DKK2: variants seen among roughly 807,000 people sequenced by gnomAD.
DKK2 encodes dickkopf-related protein 2.
DKK2 carries 11 observed loss-of-function variants against 28.1 expected under a neutral mutation model. That is an observed-to-expected ratio of 0.39 (90% CI 0.25 to 0.65). The LOEUF (loss-of-function observed/expected upper bound fraction) is 0.65. Ranked by LOEUF, DKK2 falls within the 30% of genes least tolerant of loss-of-function variation. The pLI is 0.47. For missense variants in DKK2, 326 were observed against 335.5 expected, an observed-to-expected ratio of 0.97 and a Z score of 0.22; for synonymous variants, 135 against 126.5, an observed-to-expected ratio of 1.07 and a Z score of -0.45.
chr4:106,958,428 A>G (rs1722635115), intron 1 of DKK2, among the ~76,000 whole-genome samples: 1 of 152,140 alleles, frequency 6.6e-6, no homozygotes, highest in Admixed American at 6.6e-5. Context: ...CCCTTTATAT[A>G]TAAATTAAAT....
intron 1 of DKK2, among the ~76,000 whole-genome samples, chr4:106,957,793 A>G (rs903733685): frequency 6.8e-6 from 1 of 146,458 alleles, no homozygotes; most frequent in African/African-American, 2.5e-5. Context: ...TAGGAGATAT[A>G]CCTAATGCTA....
At chr4:106,969,510 T>C (rs1206606357) in intron 1 of DKK2, among the ~76,000 whole-genome samples, 1 of 151,854 alleles carries the variant, frequency 6.6e-6, no homozygotes, top group Admixed American at 6.6e-5. Flanking sequence ...TTGCACCAAG[T>C]GTAGTATTTA....
In DKK2 at chr4:106,938,262, T is replaced by C. The variant is rs1421403655; in HGVS notation, c.223-12313A>G. On this transcript the variant is annotated intron_variant, in intron 1 of 3. Coordinates refer to ENST00000285311, the MANE Select transcript of DKK2 (RefSeq NM_014421.3). The stretch of plus-strand genomic sequence containing the variant: ...AAAAAAGAGAGAAGAATCAAATAGA[T>C]GCAATAAAAAATGATAAAGGGGATA... 4.3e-3 allele frequency among the ~76,000 whole-genome samples: 651 copies of C among 151,206 alleles called. 5 individuals carry two copies. Among genetic ancestry groups the C allele is most frequent in the African/African-American group, 0.015 (626 of 41,150 alleles).
chr4:106,979,852 T>C (rs1243651133), intron 1 of DKK2, among the ~76,000 whole-genome samples: 1 of 152,250 alleles, frequency 6.6e-6, no homozygotes, highest in Non-Finnish European at 1.5e-5. Context: ...GTTTGTTTGT[T>C]TGCTCAGCCA....
At position 106,933,191 on chromosome 4, in the gene DKK2, C is replaced by T. The variant is rs113209308; in HGVS notation, c.223-7242G>A. On this transcript the variant is annotated intron_variant, in intron 1 of 3. Transcript: ENST00000285311. ...TACAATAAGGTAAGATAGGGAAACA[C>T]GGCTATATAGAACTGTTGCAAGATT... 2.4e-3 allele frequency among the ~76,000 whole-genome samples: 370 copies of T among 152,198 alleles called. 2 individuals carry two copies. The highest frequency in any genetic ancestry group is 8.5e-3 in the African/African-American group (354 of 41,520).
At chr4:107,019,209 C>T (rs1723655798) in intron 1 of DKK2, among the ~76,000 whole-genome samples, 1 of 151,472 alleles carries the variant, frequency 6.6e-6, no homozygotes, top group African/African-American at 2.4e-5. Context: ...ATCTCATTCA[C>T]TTTTAGAAAA....
Position 106,922,675 on chromosome 4 carries a change from T to C in DKK2, c.*1279A>G, listed in dbSNP as rs1459318403. On this transcript the variant is annotated 3_prime_UTR_variant, in exon 4 of 4. Coordinates refer to ENST00000285311, the MANE Select transcript of DKK2 (RefSeq NM_014421.3). Reference sequence around the variant, plus strand: ...TTTGTGAAACCTCCTGAAATTGAGATTATTTGAGGATCTCAGCACTATAAA... The same window carrying C: ...TTTGTGAAACCTCCTGAAATTGAGACTATTTGAGGATCTCAGCACTATAAA... 6.6e-6 allele frequency: 1 copy of C among 152,146 alleles called. No homozygotes were observed. The highest frequency in any genetic ancestry group is 1.9e-4 in the East Asian group (1 of 5,190). The allele number at this position is 152,146 out of a possible 1,614,324, so 9.4% of individuals were successfully genotyped here. A position where few individuals can be genotyped will look rare whatever the true frequency, so the allele number is the denominator to read the frequency against.
At chr4:107,033,519 T>C (rs1723909558) in intron 1 of DKK2, among the ~76,000 whole-genome samples, 2 of 152,154 alleles carry the variant, frequency 1.3e-5, no homozygotes, top group Admixed American at 6.5e-5. Context: ...TGTGTAACGC[T>C]AAGGCTAATG....
intron 1 of DKK2, among the ~76,000 whole-genome samples, chr4:107,011,828 T>C (rs1007437879): frequency 2.6e-5 from 4 of 151,378 alleles, no homozygotes; most frequent in Non-Finnish European, 5.9e-5. Context: ...TTTTGCACCA[T>C]CAATACAAAT....
At chr4:106,988,634 C>T (rs1309386512) in intron 1 of DKK2, among the ~76,000 whole-genome samples, 2 of 152,088 alleles carry the variant, frequency 1.3e-5, no homozygotes, top group African/African-American at 4.8e-5. Flanking sequence ...ACCCATTTAG[C>T]AAGAAGGGAG....
chr4:106,998,072 C>T (rs889061601), intron 1 of DKK2, among the ~76,000 whole-genome samples: 8 of 152,184 alleles, frequency 5.3e-5, no homozygotes, highest in African/African-American at 1.9e-4. Context: ...GTATATGAAA[C>T]ACCCTTTTTG....
chr4:106,987,972 C>T (rs1433948255), intron 1 of DKK2, among the ~76,000 whole-genome samples: 1 of 151,438 alleles, frequency 6.6e-6, no homozygotes, highest in Non-Finnish European at 1.5e-5. Context: ...TCAAGCAATT[C>T]TCCTGCCTCA....
intron 1 of DKK2, among the ~76,000 whole-genome samples, chr4:107,023,026 T>G (rs928824837): frequency 7.2e-5 from 11 of 152,088 alleles, no homozygotes; most frequent in Non-Finnish European, 1.5e-5. Context: ...TCCAAGTAGA[T>G]GTAACCCCTG....
intron 1 of DKK2, among the ~76,000 whole-genome samples, chr4:106,963,224 G>C (rs1382841629): frequency 6.6e-6 from 1 of 151,390 alleles, no homozygotes; most frequent in African/African-American, 2.4e-5. Context: ...GTGGTGGCAG[G>C]CACCTGTAAT....
At chr4:106,936,079 A>G (rs568320999) in intron 1 of DKK2, among the ~76,000 whole-genome samples, 8,750 of 151,118 alleles carry the variant, frequency 0.058, 294 homozygotes, top group Non-Finnish European at 0.07. Flanking sequence ...CCAAAGGAAC[A>G]CAGTTCCTCA....
intron 1 of DKK2, among the ~76,000 whole-genome samples, chr4:106,988,321 T>G (rs781374471): frequency 6.6e-5 from 10 of 152,114 alleles, no homozygotes; most frequent in Admixed American, 1.3e-4. Context: ...CTCCTTGTTT[T>G]CAGTTTCAAA....
At chr4:107,028,256 C>T (rs1723822623) in intron 1 of DKK2, among the ~76,000 whole-genome samples, 1 of 152,168 alleles carries the variant, frequency 6.6e-6, no homozygotes, top group Non-Finnish European at 1.5e-5. Context: ...ATAATTCTTA[C>T]TCTCAGAGTA....
In DKK2 at chr4:106,924,091, T is replaced by A; in HGVS notation, c.643A>T (p.Thr215Ser). The A allele has an allele frequency of 1.2e-6, 2 of 1,613,998 alleles. No homozygotes were observed. The change falls in exon 4 of 4, where the codon ACC (threonine) becomes TCC (serine). Residue 215 changes from threonine to serine, a missense_variant. By Grantham distance (58) the Thr-to-Ser change is moderately conservative. Transcript: ENST00000285311. ...TGAGAACCCTTCTTGCGTTGTTTGG[T>A]ACAGACTTCCCCCTGATGGAGCACT... ...KPVLHQGEVC[T>S]KQRKKGSHGL...
intron 1 of DKK2, among the ~76,000 whole-genome samples, chr4:106,951,086 CTT>C (rs1724852098): frequency 6.6e-6 from 1 of 151,954 alleles, no homozygotes; most frequent in Admixed American, 6.6e-5. Context: ...TATTGACACA[CTT>C]TTTTCAGTGT....
Sources: gnomAD v4.1 joint callset for allele counts (sites outside exome capture counted in the v4.1 genomes callset) on GRCh38, gnomAD v4.1.1 for gene constraint, MANE v1.5 for transcripts, NCBI Gene and HGNC (gene_info 2026-07-23, HGNC 2026-07-21) for gene names.